SLC6A20: variants seen among roughly 807,000 people sequenced by gnomAD.
SLC6A20 encodes the protein sodium- and chloride-dependent transporter XTRP3.
In SLC6A20, 73 loss-of-function variants were observed where a neutral mutation model predicts 64.3. The ratio of observed to expected loss-of-function variants is 1.14; its 90% CI spans 0.94 to 1.38. The LOEUF (loss-of-function observed/expected upper bound fraction) is 1.38. Among genes scored for constraint, SLC6A20 ranks in the 40% most tolerant of loss-of-function variants. The probability of loss-of-function intolerance (pLI) is 0.00; values close to 1 mark genes in which losing one functional copy is unlikely to be tolerated. For missense variants in SLC6A20, 725 were observed against 772.8 expected (o/e 0.94, Z 0.73); for synonymous variants, 347 against 329.6 (o/e 1.05, Z -0.57).
chr3:45,789,361 A>T (rs1700212909), intron 1 of SLC6A20, among the ~76,000 whole-genome samples: 1 of 152,232 alleles, frequency 6.6e-6, no homozygotes, highest in Non-Finnish European at 1.5e-5. Context: ...GGCAGTACGA[A>T]ATGTGATGAA....
rs767689740 is a variant in SLC6A20 at position 45,780,054 on chromosome 3, G to A, written c.309C>T (p.Asn103=). The A allele has an allele frequency of 6.9e-6, 11 of 1,605,108 alleles. No individual in the cohort carries two copies. Among genetic ancestry groups the A allele is most frequent in the African/African-American group, 4.0e-5 (3 of 74,786 alleles). Residue 103 remains asparagine, a synonymous_variant, in exon 3 of 11, where the codon AAC becomes AAT. Coordinates refer to ENST00000358525, the MANE Select transcript of SLC6A20 (RefSeq NM_020208.4). The stretch of plus-strand genomic sequence containing the variant: ...ACCAGAAGGCCCAGGCGTTGATGAC[G>A]TTGTAGTACATGGAGAGGAAGAAAG... ...VVSFFLSMYY[N]VINAWAFWYL...
chr3:45,755,826 C>G lies in SLC6A20; in HGVS notation c.*3152G>C, dbSNP rs1218606366. 3.9e-5 allele frequency: 6 copies of G among 152,612 alleles called. No individual in the cohort carries two copies. The highest frequency in any genetic ancestry group is 1.4e-4 in the African/African-American group (6 of 41,438). The allele number at this position is 152,612 out of a possible 1,614,324, so 9.5% of individuals were successfully genotyped here. ...ACATTTTCATCTGGAGCACATTATT[C>G]TGTAACAGTGGTGCTTCATCTGTTT... On this transcript the variant is annotated 3_prime_UTR_variant, in exon 11 of 11. Coordinates refer to ENST00000358525, the MANE Select transcript of SLC6A20 (RefSeq NM_020208.4).
At chr3:45,782,488 C>T (rs540298547) in intron 1 of SLC6A20, among the ~76,000 whole-genome samples, 2 of 152,148 alleles carry the variant, frequency 1.3e-5, no homozygotes, top group African/African-American at 4.8e-5. Flanking sequence ...TTCCATCCAA[C>T]CATCCATTCA....
At chr3:45,794,028 G>A (rs985813928) in intron 1 of SLC6A20, among the ~76,000 whole-genome samples, 4 of 152,170 alleles carry the variant, frequency 2.6e-5, no homozygotes, top group African/African-American at 4.8e-5. Flanking sequence ...TGGGCCGGGC[G>A]GAGACAGAGA....
In SLC6A20 at chr3:45,779,131, G is replaced by A. The variant is rs527464593; in HGVS notation, c.354+878C>T. ...CTTGGGGACAGGCATGTCCCATGAA[G>A]GCCTGGCTCAGGGGCAAAGGGTAAG... On this transcript the variant is annotated intron_variant, in intron 3 of 10. Coordinates refer to ENST00000358525, the MANE Select transcript of SLC6A20 (RefSeq NM_020208.4). 2.8e-4 allele frequency among the ~76,000 whole-genome samples: 43 copies of A among 152,328 alleles called. No individual in the cohort carries two copies. The South Asian group carries it at 3.1e-3, about 11-fold the overall frequency.
chr3:45,795,630 T>C (rs1298839533), intron 1 of SLC6A20, among the ~76,000 whole-genome samples: 3 of 152,198 alleles, frequency 2.0e-5, no homozygotes, highest in Non-Finnish European at 4.4e-5. Flanking sequence ...TAGACATGTG[T>C]AGAAGGTGTT....
rs2271615 is a variant in SLC6A20 at position 45,796,394 on chromosome 3, G to C, written c.26C>G (p.Ala9Gly). MEKARPLW[A>G]NSLQFVFACI... ...GGCGAACACGAACTGTAGCGAGTTGGCCCACAGCGGCCGCGCTTTCTCCAT... is the reference window on the plus strand; with the variant it reads ...GGCGAACACGAACTGTAGCGAGTTGCCCCACAGCGGCCGCGCTTTCTCCAT... The change falls in exon 1 of 11, where the codon GCC (alanine) becomes GGC (glycine). Residue 9 changes from alanine (A) to glycine (G), a missense_variant. Ala to Gly is a moderately conservative substitution (Grantham distance 60). Transcript: ENST00000358525. 223,011 of 1,611,894 alleles carry C rather than the reference G, an allele frequency of 0.14. 16,697 individuals are homozygous for C. The highest frequency in any genetic ancestry group is 0.24 in the Middle Eastern group (1,427 of 6,058).
At chr3:45,775,707 G>C in intron 4 of SLC6A20, 54 bp downstream of exon 4, 2 of 1,539,506 alleles carry the variant, frequency 1.3e-6, no homozygotes, top group Non-Finnish European at 1.8e-6. Context: ...GCTGCCCCTT[G>C]GTGCACCCTC....
chr3:45,766,363 C>T (rs991930588), intron 7 of SLC6A20, among the ~76,000 whole-genome samples: 3 of 152,174 alleles, frequency 2.0e-5, no homozygotes, highest in Non-Finnish European at 2.9e-5. Flanking sequence ...GGGTAGAAGC[C>T]CCCCCACCCG....
rs962075813 is a variant in SLC6A20 at position 45,780,036 on chromosome 3, G to A, written c.327C>T (p.Ala109=). The A allele has an allele frequency of 6.2e-7, 1 of 1,605,038 alleles. No individual in the cohort carries two copies. Among genetic ancestry groups the A allele is most frequent in the African/African-American group, 1.3e-5 (1 of 74,758 alleles). ...SMYYNVINAW[A]FWYLFHSFQD... is the part of the protein sequence containing the mutation. ...GGAAGGAGTGGAAGAGGTACCAGAA[G>A]GCCCAGGCGTTGATGACGTTGTAGT... The change falls in exon 3 of 11, where the codon GCC becomes GCT. Residue 109 remains alanine (A), a synonymous_variant. Coordinates refer to ENST00000358525, the MANE Select transcript of SLC6A20 (RefSeq NM_020208.4).
chr3:45,786,182 T>C (rs918741514), intron 1 of SLC6A20, among the ~76,000 whole-genome samples: 11 of 152,168 alleles, frequency 7.2e-5, no homozygotes, highest in Non-Finnish European at 1.5e-5. Context: ...ACAAGAACAT[T>C]ATCTTATATA....
At position 45,793,241 on chromosome 3, in the gene SLC6A20, G is replaced by A. The variant is rs565942841; in HGVS notation, c.121+3058C>T. Among the ~76,000 whole-genome samples, 17 of 152,294 alleles carry A rather than the reference G, an allele frequency of 1.1e-4. No individual in the cohort carries two copies. In the South Asian group the frequency reaches 2.9e-3, roughly 26 times the overall value. On this transcript the variant is annotated intron_variant, in intron 1 of 10. Transcript: ENST00000358525. ...GATTTCCCCCTCAATATTGCAGAGA[G>A]AAAATTTAAGAGAAAAAAATCCATA...
intron 1 of SLC6A20, among the ~76,000 whole-genome samples, chr3:45,786,932 C>T (rs749976315): frequency 6.6e-6 from 1 of 152,210 alleles, no homozygotes; most frequent in Non-Finnish European, 1.5e-5. Flanking sequence ...GATGTAGACT[C>T]AGCTCAGCCT....
intron 9 of SLC6A20, among the ~76,000 whole-genome samples, chr3:45,762,155 GA>G (rs1559561553): frequency 3.3e-5 from 5 of 152,228 alleles, no homozygotes; most frequent in African/African-American, 1.2e-4. Context: ...GGGTGGGCCC[GA>G]GCTTCTGCAG....
intron 7 of SLC6A20, among the ~76,000 whole-genome samples, chr3:45,766,083 C>T (rs1467235920): frequency 6.6e-6 from 1 of 152,204 alleles, no homozygotes; most frequent in Non-Finnish European, 1.5e-5. Flanking sequence ...GTCCTGAAAC[C>T]TCCGTGGCTG....
chr3:45,758,292 G>A lies in SLC6A20; in HGVS notation c.*686C>T, dbSNP rs1177916946. 2.3e-6 allele frequency: 1 copy of A among 443,384 alleles called. No individual in the cohort carries two copies. Among genetic ancestry groups the A allele is most frequent in the African/African-American group, 2.2e-5 (1 of 46,434 alleles). 27.5% of individuals were successfully genotyped at this position (443,384 alleles called of 1,614,324 possible). A position where few individuals can be genotyped will look rare whatever the true frequency, so the allele number is the denominator to read the frequency against. ...TGCACCAAGACACACACCACGGAGG[G>A]ATGTCTGCACAGACTTCTAATGTGG... is the stretch of plus-strand genomic sequence containing the variant. On this transcript the variant is annotated 3_prime_UTR_variant, in exon 11 of 11. Coordinates refer to ENST00000358525, the MANE Select transcript of SLC6A20 (RefSeq NM_020208.4).
At chr3:45,779,303 T>C (rs1700029153) in intron 3 of SLC6A20, among the ~76,000 whole-genome samples, 1 of 152,230 alleles carries the variant, frequency 6.6e-6, no homozygotes, top group Non-Finnish European at 1.5e-5. Flanking sequence ...GAAATGAGCA[T>C]GAGCAGTGGA....
chr3:45,761,297 G>T (rs146037061), intron 9 of SLC6A20, among the ~76,000 whole-genome samples: 1 of 151,444 alleles, frequency 6.6e-6, no homozygotes, highest in Non-Finnish European at 1.5e-5. Context: ...CTGTTGCTGG[G>T]TGGTCACTAG....
intron 3 of SLC6A20, among the ~76,000 whole-genome samples, chr3:45,777,547 G>A (rs563221487): frequency 6.6e-5 from 10 of 152,280 alleles, no homozygotes; most frequent in East Asian, 3.9e-4. Flanking sequence ...GTGACTTCCC[G>A]GCCCAGGACT....
Sources: gnomAD v4.1 joint callset for allele counts (sites outside exome capture counted in the v4.1 genomes callset) on GRCh38, gnomAD v4.1.1 for gene constraint, MANE v1.5 for transcripts, NCBI Gene and HGNC (gene_info 2026-07-23, HGNC 2026-07-21) for gene names.